Variants in CHD9 observed in about 807,000 individuals in gnomAD.
CHD9 encodes the protein chromodomain helicase DNA binding protein 9.
A neutral mutation model predicts 316.1 loss-of-function variants in CHD9; 77 were observed. The ratio of observed to expected loss-of-function variants is 0.24; its 90% CI spans 0.20 to 0.29. CHD9 has a LOEUF of 0.29. Among genes scored for constraint, CHD9 ranks in the 10% least tolerant of loss-of-function variants. The pLI is 1.00. For synonymous variants in CHD9, 1,129 were observed against 1,158.3 expected (o/e 0.97, Z 0.51); for missense variants, 2,763 against 3,438.1 (o/e 0.80, Z 4.91).
chr16:53,274,677 C>T (rs1203503086), intron 24 of CHD9, among the ~76,000 whole-genome samples: 4 of 152,028 alleles, frequency 2.6e-5, no homozygotes, highest in Non-Finnish European at 2.9e-5. Context: ...AGGCTGGTTT[C>T]GAACTCCTGA....
intron 24 of CHD9, among the ~76,000 whole-genome samples, chr16:53,284,686 G>T (rs2053708067): frequency 1.3e-5 from 2 of 151,990 alleles, no homozygotes; most frequent in Admixed American, 1.3e-4. Context: ...ATCATTATGG[G>T]TTTATTATTT....
chr16:53,122,503 A>T (rs2152657196), intron 1 of CHD9, among the ~76,000 whole-genome samples: 1 of 151,834 alleles, frequency 6.6e-6, no homozygotes, highest in Non-Finnish European at 1.5e-5. Context: ...TTTAATGCGT[A>T]CAATACTGTA....
chr16:53,303,704 T>C lies in CHD9; in HGVS notation c.5714-16T>C. 1 of 1,537,018 alleles carries C rather than the reference T, an allele frequency of 6.5e-7. No homozygotes were observed. Among genetic ancestry groups the C allele is most frequent in the Non-Finnish European group, 8.7e-7 (1 of 1,144,084 alleles). On this transcript the variant is annotated splice_polypyrimidine_tract_variant and intron_variant, in intron 30 of 38. Transcript: ENST00000447540. ...ATTTTTGAGATTAATATTTTTGTCC[T>C]TGTTTCAATATGTAGAATTGGTGGA...
chr16:53,282,191 C>CT (rs2053477532), intron 24 of CHD9, among the ~76,000 whole-genome samples: 1 of 152,188 alleles, frequency 6.6e-6, no homozygotes, highest in Admixed American at 6.5e-5. Context: ...GTTTACATCT[C>CT]TGTCACCTTA....
At chr16:53,145,070 C>T (rs558205115) in intron 1 of CHD9, among the ~76,000 whole-genome samples, 2 of 151,654 alleles carry the variant, frequency 1.3e-5, no homozygotes, top group Non-Finnish European at 1.5e-5. Flanking sequence ...ATTATATGTC[C>T]ATAGAAAAGA....
At chr16:53,272,899 G>A (rs1188099749) in intron 22 of CHD9, among the ~76,000 whole-genome samples, 2 of 152,184 alleles carry the variant, frequency 1.3e-5, no homozygotes, top group Middle Eastern at 3.4e-3. Context: ...GACCAGACTG[G>A]CCAACATGGT....
rs747099721 is a variant in CHD9, at chr16:53,156,914, C to T, written c.825C>T (p.Ser275=). Residue 275 remains serine, a synonymous_variant, in exon 2 of 39, where the codon TCC becomes TCT. Coordinates refer to ENST00000447540, the MANE Select transcript of CHD9 (RefSeq NM_001308319.2). The stretch of plus-strand genomic sequence containing the variant: ...CACAGCAATTTTCTTCACATTATTC[C>T]TTTTCCAGTAATCATATATCACCAA... The part of the protein sequence containing the change: ...SNSQQFSSHY[S]FSSNHISPNS... 2.5e-6 allele frequency: 4 copies of T among 1,613,642 alleles called. No individual in the cohort carries two copies. Among genetic ancestry groups the T allele is most frequent in the East Asian group, 4.5e-5 (2 of 44,862 alleles).
At chr16:53,092,379 AT>A (rs757306586) in intron 1 of CHD9, among the ~76,000 whole-genome samples, 5 of 152,360 alleles carry the variant, frequency 3.3e-5, no homozygotes, top group Non-Finnish European at 7.3e-5. Flanking sequence ...ATATGCAAAC[AT>A]AAAAGAAAAC....
At chr16:53,269,945 A>C (rs186062611) in intron 22 of CHD9, among the ~76,000 whole-genome samples, 1 of 152,142 alleles carries the variant, frequency 6.6e-6, no homozygotes, top group South Asian at 2.1e-4. Flanking sequence ...AAACCCTGCT[A>C]TAACCTAAAA....
intron 2 of CHD9, among the ~76,000 whole-genome samples, chr16:53,182,081 A>G (rs1350887966): frequency 6.6e-6 from 1 of 152,174 alleles, no homozygotes; most frequent in East Asian, 1.9e-4. Flanking sequence ...TCCATCTCGT[A>G]TATTTTTACT....
chr16:53,121,519 G>A (rs1192766414), intron 1 of CHD9: 2 of 440,066 alleles, frequency 4.5e-6, no homozygotes, highest in Non-Finnish European at 9.1e-6. Context: ...CTAGCTAAAA[G>A]CAGGGGATAA....
intron 2 of CHD9, among the ~76,000 whole-genome samples, chr16:53,189,283 A>G (rs1422961032): frequency 6.6e-6 from 1 of 152,032 alleles, no homozygotes; most frequent in Non-Finnish European, 1.5e-5. Context: ...TAAGTACTGT[A>G]TGATGTTAGT....
intron 24 of CHD9, among the ~76,000 whole-genome samples, chr16:53,279,009 G>T (rs2053145714): frequency 6.6e-6 from 1 of 152,166 alleles, no homozygotes; most frequent in African/African-American, 2.4e-5. Flanking sequence ...CCATTACTGG[G>T]TATATACCCA....
In CHD9 at chr16:53,247,517, A is replaced by C. The variant is rs937950155; in HGVS notation, c.3665+14A>C. 6.5e-7 allele frequency: 1 copy of C among 1,536,720 alleles called. No individual in the cohort carries two copies. Among genetic ancestry groups the C allele is most frequent in the Non-Finnish European group, 8.9e-7 (1 of 1,122,910 alleles). ...CATACATAAAAGGTAAAGCATACTGAATTTACTGTGAATTATGCTAAGTAT... is the reference window on the plus strand; with the variant it reads ...CATACATAAAAGGTAAAGCATACTGCATTTACTGTGAATTATGCTAAGTAT... On this transcript the variant is annotated intron_variant, in intron 16 of 38. Coordinates refer to ENST00000447540, the MANE Select transcript of CHD9 (RefSeq NM_001308319.2).
chr16:53,096,440 G>A (rs757744404), intron 1 of CHD9, among the ~76,000 whole-genome samples: 11 of 152,060 alleles, frequency 7.2e-5, no homozygotes, highest in Admixed American at 1.3e-4. Context: ...AGTGCCAGGT[G>A]CTATATTAAC....
Position 53,263,046 on chromosome 16 carries a change from G to A in CHD9, c.4269G>A (p.Trp1423Ter). 6.2e-7 allele frequency: 1 copy of A among 1,612,760 alleles called. No homozygotes were observed. The highest frequency in any genetic ancestry group is 8.5e-7 in the Non-Finnish European group (1 of 1,179,190). Reference protein sequence around the residue: ...TDISLDDPNFWQKWAKKAEID... With the variant: ...TDISLDDPNF ...TTTCTTTAGATGATCCCAACTTCTG[G>A]CAAAAATGGGCTAAAAAGGCAGAAA... Residue 1423 changes from tryptophan (W) to a stop codon, truncating the protein, a stop_gained, in exon 20 of 39, where the codon TGG becomes TGA. Transcript: ENST00000447540. LOFTEE classifies it high-confidence loss of function.
At position 53,286,351 on chromosome 16, in the gene CHD9, T is replaced by C. The variant is rs766810373; in HGVS notation, c.5189+8T>C. 1.2e-5 allele frequency: 18 copies of C among 1,440,810 alleles called. No individual in the cohort carries two copies. The highest frequency in any genetic ancestry group is 1.7e-5 in the Non-Finnish European group (17 of 1,023,914). The allele number at this position is 1,440,810 out of a possible 1,614,324, so 89.3% of individuals were successfully genotyped here. A position where few individuals can be genotyped will look rare whatever the true frequency, so the allele number is the denominator to read the frequency against. ...GAATGATTATATGGATGGGTATGTG[T>C]GTTTCAGAGTCATGAATTTTCTATA... On this transcript the variant is annotated splice_region_variant and intron_variant, in intron 26 of 38. Coordinates refer to ENST00000447540, the MANE Select transcript of CHD9 (RefSeq NM_001308319.2).
At chr16:53,171,229 AAC>A (rs1714777466) in intron 2 of CHD9, among the ~76,000 whole-genome samples, 1 of 151,978 alleles carries the variant, frequency 6.6e-6, no homozygotes, top group African/African-American at 2.4e-5. Context: ...TATCCTGGCT[AAC>A]ACAGTGAAAC....
chr16:53,156,168 T>C lies in CHD9; in HGVS notation c.79T>C (p.Phe27Leu), dbSNP rs747426074. The change falls in exon 2 of 39, where the codon TTT (phenylalanine) becomes CTT (leucine). Residue 27 changes from phenylalanine to leucine, a missense_variant. Around this residue, in one of 15 missense-constraint regions of CHD9, gnomAD observed 859 missense variants for 890.4 expected, o/e 0.96. Coordinates refer to ENST00000447540, the MANE Select transcript of CHD9 (RefSeq NM_001308319.2). ...ETLEGLSDDA[F>L]VQPGPVSLVD... ...CTTAGAAGGTTTGTCAGATGATGCA[T>C]TTGTACAACCAGGACCTGTTTCACT... is the stretch of plus-strand genomic sequence containing the variant. The C allele has an allele frequency of 1.1e-5, 17 of 1,613,968 alleles. No individual in the cohort carries two copies. Among genetic ancestry groups the C allele is most frequent in the Non-Finnish European group, 1.4e-5 (16 of 1,179,884 alleles).
Sources: allele counts gnomAD v4.1 joint callset (sites outside exome capture counted in the v4.1 genomes callset), GRCh38; gene constraint gnomAD v4.1.1; regional missense constraint gnomAD v4.1.1; transcripts MANE v1.5; gene names NCBI Gene and HGNC (gene_info 2026-07-23, HGNC 2026-07-21).